EMCN: variants seen among roughly 807,000 people sequenced by gnomAD.
EMCN encodes endomucin.
In EMCN, 37 loss-of-function variants were observed where a neutral mutation model predicts 38.4. The observed-to-expected ratio is 0.96, with a 90% confidence interval of 0.74 to 1.27. The LOEUF is 1.27. Ranked by LOEUF, EMCN falls within the 50% of genes most tolerant of loss-of-function variation. EMCN has a pLI of 0.00. For missense variants in EMCN, 318 were observed against 302.8 expected (o/e 1.05, Z -0.37); for synonymous variants, 95 against 100.8 (o/e 0.94, Z 0.35).
intron 1 of EMCN, among the ~76,000 whole-genome samples, chr4:100,507,499 A>G (rs1729514852): frequency 6.6e-6 from 1 of 152,164 alleles, no homozygotes; most frequent in South Asian, 2.1e-4. Context: ...AAAAGAGCAC[A>G]CTGCACATTG....
chr4:100,486,910 C>T (rs1241789542), intron 1 of EMCN: 1 of 985,420 alleles, frequency 1.0e-6, no homozygotes, highest in Non-Finnish European at 1.2e-6. Flanking sequence ...TTTTCCTTCA[C>T]AAATGGATAA....
intron 1 of EMCN, among the ~76,000 whole-genome samples, chr4:100,506,152 ACTG>A (rs567942030): frequency 1.2e-4 from 18 of 152,318 alleles, no homozygotes; most frequent in Admixed American, 8.5e-4. Flanking sequence ...AGTGGTAATC[ACTG>A]CTAAGTTAAT....
chr4:100,469,169 C>A (rs357658), intron 3 of EMCN, among the ~76,000 whole-genome samples: 39,848 of 151,956 alleles, frequency 0.26, 6,543 homozygotes, highest in Non-Finnish European at 0.38. Flanking sequence ...ACTGGGGAAA[C>A]TGTGCTACCA....
At chr4:100,484,907 T>C (rs1228593716) in intron 1 of EMCN, among the ~76,000 whole-genome samples, 1 of 152,200 alleles carries the variant, frequency 6.6e-6, no homozygotes, top group East Asian at 1.9e-4. Context: ...GATTACATGA[T>C]ATACAAAAAT....
chr4:100,449,468 A>G (rs1267222132), intron 4 of EMCN, among the ~76,000 whole-genome samples: 2 of 152,246 alleles, frequency 1.3e-5, no homozygotes, highest in East Asian at 3.9e-4. Flanking sequence ...CCAAATAGAA[A>G]GCTATGTAAT....
At chr4:100,477,029 A>T (rs7659430) in intron 2 of EMCN, among the ~76,000 whole-genome samples, 1 of 152,206 alleles carries the variant, frequency 6.6e-6, no homozygotes, top group Non-Finnish European at 1.5e-5. Flanking sequence ...AGGATGTACA[A>T]TGGAAACATC....
intron 1 of EMCN, among the ~76,000 whole-genome samples, chr4:100,499,799 A>G (rs1729301480): frequency 6.6e-6 from 1 of 152,232 alleles, no homozygotes; most frequent in Non-Finnish European, 1.5e-5. Flanking sequence ...AAGATGGTGA[A>G]TACCTTTAAC....
At chr4:100,406,859 C>T (rs993677637) in intron 11 of EMCN, among the ~76,000 whole-genome samples, 1 of 152,034 alleles carries the variant, frequency 6.6e-6, no homozygotes, top group African/African-American at 2.4e-5. Context: ...GTGTGGTTAC[C>T]TATGTCTCTT....
intron 1 of EMCN, among the ~76,000 whole-genome samples, chr4:100,502,082 T>A (rs542276322): frequency 6.6e-6 from 1 of 152,322 alleles, no homozygotes; most frequent in South Asian, 2.1e-4. Flanking sequence ...TTCCTTTTCA[T>A]GGCAGGATGC....
At chr4:100,409,996 G>A (rs1216508735) in intron 11 of EMCN, among the ~76,000 whole-genome samples, 1 of 152,186 alleles carries the variant, frequency 6.6e-6, no homozygotes, top group African/African-American at 2.4e-5. Context: ...GACCTAGGTA[G>A]GCAGACTGAA....
At chr4:100,434,596 C>A (rs1727296282) in intron 5 of EMCN, among the ~76,000 whole-genome samples, 2 of 152,180 alleles carry the variant, frequency 1.3e-5, no homozygotes, top group African/African-American at 4.8e-5. Context: ...GGGCCAATAT[C>A]TCTGATGAAC....
At chr4:100,413,395 A>G (rs1322602715) in intron 10 of EMCN, among the ~76,000 whole-genome samples, 2 of 152,164 alleles carry the variant, frequency 1.3e-5, no homozygotes, top group African/African-American at 4.8e-5. Context: ...TTTTTTAGGA[A>G]AGATGTCAGT....
At chr4:100,468,583 T>A (rs1029260132) in intron 3 of EMCN, among the ~76,000 whole-genome samples, 2 of 152,100 alleles carry the variant, frequency 1.3e-5, no homozygotes, top group African/African-American at 4.8e-5. Flanking sequence ...TTTGACAAGG[T>A]TAGCATTTAC....
rs80032496 is a variant in EMCN, at chr4:100,440,062, A to G, written c.415+7471T>C. On this transcript the variant is annotated intron_variant, in intron 5 of 11. Transcript: ENST00000296420. ...CTTATCATATGGCCTATCCCAGGGA[A>G]TGTTCCATGTGAACTAAAGAAAAAT... Among the ~76,000 whole-genome samples the G allele has an allele frequency of 1.0e-3, 148 of 141,826 alleles. 5 individuals carry two copies. The East Asian group carries it at 0.043, about 42-fold the overall frequency. The allele number at this position is 141,826 out of a possible 152,430, so 93.0% of individuals were successfully genotyped here.
intron 5 of EMCN, among the ~76,000 whole-genome samples, chr4:100,437,917 T>G (rs1727401921): frequency 6.6e-6 from 1 of 152,136 alleles, no homozygotes; most frequent in Non-Finnish European, 1.5e-5. Context: ...TTTGGAATGT[T>G]TTTTTATTTC....
At chr4:100,466,827 C>T (rs547155829) in intron 3 of EMCN, among the ~76,000 whole-genome samples, 1 of 152,206 alleles carries the variant, frequency 6.6e-6, no homozygotes, top group African/African-American at 2.4e-5. Context: ...CACTGGAATT[C>T]CAACATATGT....
intron 3 of EMCN, among the ~76,000 whole-genome samples, chr4:100,466,491 A>G (rs191931108): frequency 6.6e-6 from 1 of 152,366 alleles, no homozygotes; most frequent in East Asian, 1.9e-4. Context: ...TTGCAAGAAG[A>G]CTTCATAGAC....
intron 5 of EMCN, among the ~76,000 whole-genome samples, chr4:100,434,715 T>C (rs1021256503): frequency 6.6e-6 from 1 of 152,280 alleles, no homozygotes; most frequent in Admixed American, 6.5e-5. Flanking sequence ...GCAAGGTTGG[T>C]TCAACATAAG....
chr4:100,448,526 A>G (rs573465365), intron 4 of EMCN, among the ~76,000 whole-genome samples: 16 of 152,052 alleles, frequency 1.1e-4, no homozygotes, highest in Non-Finnish European at 1.9e-4. Flanking sequence ...TATGTTTCTC[A>G]CCCTTATCAG....
Sources: gnomAD v4.1 joint callset for allele counts (sites outside exome capture counted in the v4.1 genomes callset) on GRCh38, gnomAD v4.1.1 for gene constraint, MANE v1.5 for transcripts, NCBI Gene and HGNC (gene_info 2026-07-23, HGNC 2026-07-21) for gene names.